The following BAZ2B variants were observed in gnomAD, a reference collection of about 807,000 sequenced individuals.
BAZ2B encodes bromodomain adjacent to zinc finger domain 2B.
In BAZ2B, 91 loss-of-function variants were observed where a neutral mutation model predicts 246.0. The observed-to-expected ratio is 0.37, with a 90% CI of 0.31 to 0.44. The LOEUF is 0.44. BAZ2B is among the 20% of genes least tolerant of loss of function. The probability of loss-of-function intolerance (pLI) is 1.00; values close to 1 mark genes in which losing one functional copy is unlikely to be tolerated. For missense variants in BAZ2B, 2,332 were observed against 2,533.7 expected (o/e 0.92, Z 1.71); for synonymous variants, 855 against 860.0 (o/e 0.99, Z 0.10).
chr2:159,506,867 G>T (rs1195151931), intron 2 of BAZ2B, among the ~76,000 whole-genome samples: 1 of 152,134 alleles, frequency 6.6e-6, no homozygotes, highest in East Asian at 1.9e-4. Context: ...AAAAGGAAAA[G>T]AGAAAGAGTA....
At chr2:159,710,179 A>C in the BAZ2B span, among the ~76,000 whole-genome samples, 1 of 151,048 alleles carries the variant, frequency 6.6e-6, no homozygotes, top group African/African-American at 2.4e-5. Context: ...ACCATGTTTT[A>C]CCTATTCACA....
intron 34 of BAZ2B, among the ~76,000 whole-genome samples, chr2:159,328,566 C>T (rs2148860783): frequency 6.6e-6 from 1 of 152,280 alleles, no homozygotes; most frequent in East Asian, 1.9e-4. Flanking sequence ...GGCCCACATT[C>T]CTACATGGCA....
At chr2:159,579,301 A>G (rs554228415) in intron 1 of BAZ2B, among the ~76,000 whole-genome samples, 1 of 152,354 alleles carries the variant, frequency 6.6e-6, no homozygotes, top group East Asian at 1.9e-4. Context: ...AAACACCTCT[A>G]CGCAAATAAA....
chr2:159,466,019 C>G (rs901532171), intron 3 of BAZ2B, among the ~76,000 whole-genome samples: 2 of 152,088 alleles, frequency 1.3e-5, no homozygotes, highest in Non-Finnish European at 2.9e-5. Context: ...CAGAGTATAA[C>G]ATAAATACTC....
At chr2:159,642,406 T>G in the BAZ2B span, among the ~76,000 whole-genome samples, 1 of 151,786 alleles carries the variant, frequency 6.6e-6, no homozygotes, top group Non-Finnish European at 1.5e-5. Flanking sequence ...CCTAGCTAAT[T>G]TTTGTATTTT....
intron 3 of BAZ2B, among the ~76,000 whole-genome samples, chr2:159,477,092 T>G (rs180735347): frequency 5.3e-5 from 8 of 152,214 alleles, no homozygotes; most frequent in Non-Finnish European, 2.9e-5. Flanking sequence ...GATCATGAGG[T>G]CAGGACATCA....
At chr2:159,535,861 C>T (rs1417851155) in intron 2 of BAZ2B, among the ~76,000 whole-genome samples, 2 of 152,216 alleles carry the variant, frequency 1.3e-5, no homozygotes, top group Non-Finnish European at 1.5e-5. Context: ...CTGCAATTGT[C>T]TGTCTGAATC....
chr2:159,524,556 A>G (rs578060060), intron 2 of BAZ2B, among the ~76,000 whole-genome samples: 1 of 152,246 alleles, frequency 6.6e-6, no homozygotes, highest in African/African-American at 2.4e-5. Context: ...AATAGAACCA[A>G]TTCACATGGT....
chr2:159,601,970 C>G lies in BAZ2B; in HGVS notation c.-46+14272G>C, dbSNP rs149693248. Among the ~76,000 whole-genome samples, 693 of 152,084 alleles carry G rather than the reference C, an allele frequency of 4.6e-3. 4 individuals carry two copies. Among genetic ancestry groups the G allele is most frequent in the African/African-American group, 0.015 (640 of 41,472 alleles). On this transcript the variant is annotated intron_variant, in intron 1 of 36. Transcript: ENST00000392783. ...TCTTTGTTTGTATATGATTATATAT[C>G]TAGAAAACCCTAGAAAATCAACTGA...
intron 1 of BAZ2B, among the ~76,000 whole-genome samples, chr2:159,570,783 TA>T (rs1288003495): frequency 1.3e-5 from 2 of 152,228 alleles, no homozygotes; most frequent in Non-Finnish European, 2.9e-5. Flanking sequence ...ATAAGTGTGG[TA>T]ATCCTAATAT....
chr2:159,542,728 A>C (rs2086807955), intron 2 of BAZ2B, among the ~76,000 whole-genome samples: 1 of 152,212 alleles, frequency 6.6e-6, no homozygotes, highest in Admixed American at 6.5e-5. Flanking sequence ...GTAGAAAAAC[A>C]AATCTGAAGT....
intron 17 of BAZ2B, among the ~76,000 whole-genome samples, chr2:159,399,179 T>C (rs2064549969): frequency 6.6e-6 from 1 of 152,246 alleles, no homozygotes; most frequent in African/African-American, 2.4e-5. Context: ...TGAGTGTTTA[T>C]GTTCTTTTAC....
chr2:159,465,516 T>A (rs988723683), intron 3 of BAZ2B, among the ~76,000 whole-genome samples: 1 of 152,170 alleles, frequency 6.6e-6, no homozygotes, highest in Non-Finnish European at 1.5e-5. Context: ...AAATCCCAAA[T>A]TAAAACTACA....
intron 31 of BAZ2B, among the ~76,000 whole-genome samples, chr2:159,340,804 C>T (rs4665061): frequency 6.6e-6 from 1 of 152,040 alleles, no homozygotes; most frequent in Non-Finnish European, 1.5e-5. Context: ...ACCACCATCA[C>T]GAAAATATGA....
intron 1 of BAZ2B, among the ~76,000 whole-genome samples, chr2:159,595,916 C>T (rs1454615925): frequency 6.6e-6 from 1 of 152,186 alleles, no homozygotes; most frequent in African/African-American, 2.4e-5. Context: ...TTTTTCTGTC[C>T]ATAAATCTTC....
At chr2:159,539,060 G>A (rs557694602) in intron 2 of BAZ2B, among the ~76,000 whole-genome samples, 54 of 152,282 alleles carry the variant, frequency 3.5e-4, no homozygotes, top group African/African-American at 1.3e-3. Flanking sequence ...AACGCAGGGG[G>A]CGGAAATCTC....
At chr2:159,396,919 A>T (rs2064111980) in intron 19 of BAZ2B, 2 of 231,420 alleles carry the variant, frequency 8.6e-6, no homozygotes. Context: ...TTATAGACAG[A>T]CAAGCAGATG....
intron 31 of BAZ2B, among the ~76,000 whole-genome samples, chr2:159,343,663 C>T (rs955498034): frequency 6.0e-5 from 9 of 151,230 alleles, no homozygotes; most frequent in Admixed American, 5.3e-4. Flanking sequence ...CATCACCACT[C>T]ATCAGAGAAA....
At chr2:159,675,013 T>C in the BAZ2B span, among the ~76,000 whole-genome samples, 1 of 152,100 alleles carries the variant, frequency 6.6e-6, no homozygotes, top group African/African-American at 2.4e-5. Context: ...TATAAAACGC[T>C]CTTGGGGAGC....
Sources: allele counts gnomAD v4.1 joint callset (sites outside exome capture counted in the v4.1 genomes callset), GRCh38; gene constraint gnomAD v4.1.1; transcripts MANE v1.5; gene names NCBI Gene and HGNC (gene_info 2026-07-23, HGNC 2026-07-21).